The following PCBP3 variants were observed in gnomAD, a reference collection of about 807,000 sequenced individuals.
PCBP3 encodes poly(rC)-binding protein 3.
A neutral mutation model predicts 52.7 loss-of-function variants in PCBP3; 25 were observed. The observed-to-expected ratio is 0.47, with a 90% CI of 0.35 to 0.66. PCBP3 has a LOEUF of 0.66. Ranked by LOEUF, PCBP3 falls within the 30% of genes least tolerant of loss-of-function variation. The probability of loss-of-function intolerance (pLI) is 0.01; values close to 1 mark genes in which losing one functional copy is unlikely to be tolerated. For missense variants in PCBP3, 391 were observed against 490.3 expected (o/e 0.80, Z 1.91); for synonymous variants, 162 against 183.0 (o/e 0.89, Z 0.93).
chr21:45,873,315 C>A (rs2095112102), intron 5 of PCBP3: 2 of 152,174 alleles, frequency 1.3e-5, no homozygotes, highest in Admixed American at 1.3e-4. Flanking sequence ...GCATAGGAAC[C>A]CCTTGTCATT....
intron 5 of PCBP3, among the ~76,000 whole-genome samples, chr21:45,868,781 G>C (rs940330369): frequency 3.9e-5 from 6 of 152,236 alleles, no homozygotes; most frequent in Non-Finnish European, 8.8e-5. Context: ...CGGGGTGGCC[G>C]AGACAGGGAA....
At chr21:45,794,844 G>A (rs1009961141) in intron 4 of PCBP3, among the ~76,000 whole-genome samples, 84 of 151,956 alleles carry the variant, frequency 5.5e-4, no homozygotes, top group Non-Finnish European at 1.2e-3. Context: ...CAGGAGAATG[G>A]CGTGAACCCG....
In PCBP3 at chr21:45,862,190, T is replaced by A. The variant is rs11089026; in HGVS notation, c.10+12095T>A. Among the ~76,000 whole-genome samples, 13 of 46,684 alleles carry A rather than the reference T, an allele frequency of 2.8e-4. No homozygotes were observed. The South Asian group carries it at 8.1e-3, about 29-fold the overall frequency. The allele number at this position is 46,684 out of a possible 152,430, so 30.6% of individuals were successfully genotyped here. A position where few individuals can be genotyped will look rare whatever the true frequency, so the allele number is the denominator to read the frequency against. Reference sequence around the variant, plus strand: ...GTTTCAACATAGGAATTGGGGCGGGTGGGGGGACACGTACATTTAAATCAT... The same window carrying A: ...GTTTCAACATAGGAATTGGGGCGGGAGGGGGGACACGTACATTTAAATCAT... On this transcript the variant is annotated intron_variant, in intron 5 of 17. Coordinates refer to ENST00000681687, the MANE Select transcript of PCBP3 (RefSeq NM_001384156.1).
At chr21:45,857,075 C>G (rs1460208783) in intron 5 of PCBP3, among the ~76,000 whole-genome samples, 1 of 152,176 alleles carries the variant, frequency 6.6e-6, no homozygotes, top group Admixed American at 6.5e-5. Flanking sequence ...CTGTTCAGAC[C>G]TTTAAAAGCT....
intron 5 of PCBP3, among the ~76,000 whole-genome samples, chr21:45,865,798 G>A (rs7276396): frequency 0.38 from 57,630 of 152,104 alleles, 12,559 homozygotes; most frequent in East Asian, 0.67. Context: ...GCTTCTGCAC[G>A]GCCAGGACCT....
At chr21:45,912,951 T>C (rs2096429509) in intron 11 of PCBP3, among the ~76,000 whole-genome samples, 1 of 152,094 alleles carries the variant, frequency 6.6e-6, no homozygotes. Context: ...TGAGTGTGAG[T>C]GGCGCTCCCT....
intron 5 of PCBP3, among the ~76,000 whole-genome samples, chr21:45,870,565 C>T (rs1422109679): frequency 6.6e-6 from 1 of 152,210 alleles, no homozygotes; most frequent in Admixed American, 6.5e-5. Context: ...CGGCCAGACC[C>T]GGTTGGGAGC....
rs2093429250 is a variant in PCBP3 at position 45,830,842 on chromosome 21, C to T, written c.-125-19119C>T. 1 of 152,252 alleles carries T rather than the reference C, an allele frequency of 6.6e-6. No individual in the cohort carries two copies. Among genetic ancestry groups the T allele is most frequent in the Non-Finnish European group, 1.5e-5 (1 of 68,062 alleles). The allele number at this position is 152,252 out of a possible 1,614,324, so 9.4% of individuals were successfully genotyped here. On this transcript the variant is annotated intron_variant, in intron 4 of 17. Coordinates refer to ENST00000681687, the MANE Select transcript of PCBP3 (RefSeq NM_001384156.1). This position sits in a 1 kb window ranked among gnomAD's most constrained non-coding sequence, Gnocchi z 4.4. ...AAAATGTTTCATGATGAGGCCTTCC[C>T]AGAAAGGCGGGGAATCGAGAGTGAC...
chr21:45,818,398 G>A (rs1416426757), intron 4 of PCBP3, among the ~76,000 whole-genome samples: 2 of 152,166 alleles, frequency 1.3e-5, no homozygotes, highest in Non-Finnish European at 2.9e-5. Flanking sequence ...CAAGTGTCCA[G>A]TGACACGTGT....
intron 5 of PCBP3, among the ~76,000 whole-genome samples, chr21:45,868,935 C>G (rs1236379594): frequency 2.0e-5 from 3 of 152,232 alleles, no homozygotes. Flanking sequence ...GCTCACGAGA[C>G]TCACTTCTTC....
chr21:45,877,791 G>T (rs544713430), intron 5 of PCBP3, among the ~76,000 whole-genome samples: 2 of 148,718 alleles, frequency 1.3e-5, no homozygotes, highest in African/African-American at 4.9e-5. Flanking sequence ...GTGAAACTCC[G>T]TCTTAAAAAA....
chr21:45,740,688 C>A lies in PCBP3; in HGVS notation c.-162+5259C>A, dbSNP rs143380243. Among the ~76,000 whole-genome samples, 1,002 of 149,876 alleles carry A rather than the reference C, an allele frequency of 6.7e-3. 3 individuals carry two copies. Among genetic ancestry groups the A allele is most frequent in the Non-Finnish European group, 0.01 (677 of 67,450 alleles). On this transcript the variant is annotated intron_variant, in intron 3 of 17. Transcript: ENST00000681687. The stretch of plus-strand genomic sequence containing the variant: ...CCACACAGGTCTGTGTGTACACATG[C>A]GTGTGTGTATGTGTGTGCAGGTGAG...
chr21:45,679,747 G>C (rs937822527), intron 2 of PCBP3, among the ~76,000 whole-genome samples: 1 of 152,164 alleles, frequency 6.6e-6, no homozygotes, highest in African/African-American at 2.4e-5. Context: ...CATATTATCA[G>C]TTCTTACGAA....
At chr21:45,779,087 G>A (rs929385210) in intron 4 of PCBP3, among the ~76,000 whole-genome samples, 34 of 152,228 alleles carry the variant, frequency 2.2e-4, no homozygotes, top group African/African-American at 6.8e-4. Flanking sequence ...TCCCAGCAGC[G>A]ACAGCCTGAG....
At chr21:45,918,966 C>G (rs564560010) in intron 13 of PCBP3, 1 of 153,388 alleles carries the variant, frequency 6.5e-6, no homozygotes, top group African/African-American at 2.4e-5. Context: ...CGGAGGGGAA[C>G]CCTGGGCGGC....
At chr21:45,665,442 T>A (rs1275392810) in intron 1 of PCBP3, among the ~76,000 whole-genome samples, 1 of 152,132 alleles carries the variant, frequency 6.6e-6, no homozygotes, top group Non-Finnish European at 1.5e-5. Flanking sequence ...TTTTGTTAGT[T>A]AATTTTGTAT....
rs1001829366 is a variant in PCBP3, at chr21:45,928,687, C to G, written c.718-1230C>G. 6.6e-6 allele frequency among the ~76,000 whole-genome samples: 1 copy of G among 152,334 alleles called. No individual in the cohort carries two copies. The highest frequency in any genetic ancestry group is 1.5e-5 in the Non-Finnish European group (1 of 68,016). On this transcript the variant is annotated intron_variant, in intron 13 of 17. Transcript: ENST00000681687. The surrounding 1 kb of genome is among the most constrained non-coding windows in gnomAD (Gnocchi z 4.1). The stretch of plus-strand genomic sequence containing the variant: ...GGCAGCTCTGCTCCGAGCGCCCACA[C>G]CCCCCAGCATTGGTGGCCTCTGTGG...
chr21:45,755,650 T>C (rs2087965675), intron 4 of PCBP3, among the ~76,000 whole-genome samples, 198 bp downstream of exon 4: 1 of 152,232 alleles, frequency 6.6e-6, no homozygotes, highest in African/African-American at 2.4e-5. Flanking sequence ...ATTATAGTTT[T>C]AATTTGCATT....
chr21:45,660,790 A>G (rs1407983904), intron 1 of PCBP3, among the ~76,000 whole-genome samples: 2 of 152,096 alleles, frequency 1.3e-5, no homozygotes, highest in East Asian at 3.9e-4. Flanking sequence ...TGTAAGCCCA[A>G]CACTTTGGGA....
Sources: gnomAD v4.1 joint callset for allele counts (sites outside exome capture counted in the v4.1 genomes callset) on GRCh38, gnomAD v4.1.1 for gene constraint, Gnocchi (gnomAD v3.1) non-coding constraint, MANE v1.5 for transcripts, NCBI Gene and HGNC (gene_info 2026-07-23, HGNC 2026-07-21) for gene names.